The following SNTA1 variants were observed in gnomAD, a reference collection of about 807,000 sequenced individuals.
The protein encoded by SNTA1 is syntrophin alpha 1.
In SNTA1, 31 loss-of-function variants were observed where a neutral mutation model predicts 47.1. That is an observed-to-expected ratio of 0.66 (90% CI 0.49 to 0.89). SNTA1 has a LOEUF of 0.89. Among genes scored for constraint, SNTA1 ranks in the 40% least tolerant of loss-of-function variants. The pLI is 0.00. For missense variants in SNTA1, 575 were observed against 693.0 expected (o/e 0.83, Z 1.91); for synonymous variants, 300 against 313.6 (o/e 0.96, Z 0.46).
At chr20:33,418,515 G>T (rs972061942) in intron 2 of SNTA1, among the ~76,000 whole-genome samples, 1 of 152,056 alleles carries the variant, frequency 6.6e-6, no homozygotes, top group Non-Finnish European at 1.5e-5. Flanking sequence ...TTCCCAGGCT[G>T]GGCATGTTGG....
intron 3 of SNTA1, among the ~76,000 whole-genome samples, chr20:33,413,168 T>C (rs1989787554): frequency 6.6e-6 from 1 of 152,178 alleles, no homozygotes; most frequent in African/African-American, 2.4e-5. Context: ...ATAATTTTTG[T>C]ATTTTTAATA....
At chr20:33,416,972 G>T (rs1989893046) in intron 3 of SNTA1, among the ~76,000 whole-genome samples, 1 of 151,300 alleles carries the variant, frequency 6.6e-6, no homozygotes, top group Non-Finnish European at 1.5e-5. Flanking sequence ...AGTTAGCCAG[G>T]TGTGGTGGTG....
At chr20:33,433,594 C>G (rs1423123146) in intron 2 of SNTA1, among the ~76,000 whole-genome samples, 1 of 152,114 alleles carries the variant, frequency 6.6e-6, no homozygotes, top group African/African-American at 2.4e-5. Flanking sequence ...ATGACAGGCT[C>G]ACTGTTGTCA....
intron 2 of SNTA1, among the ~76,000 whole-genome samples, chr20:33,426,490 A>G (rs1345339924): frequency 1.3e-5 from 2 of 150,060 alleles, no homozygotes; most frequent in South Asian, 2.1e-4. Flanking sequence ...GGTTGGGCAC[A>G]GTGGCTCATG....
In SNTA1 at chr20:33,437,428, GAA is replaced by G. The variant is rs5841143; in HGVS notation, c.496+1411_496+1412del. 8.6e-3 allele frequency among the ~76,000 whole-genome samples: 1,042 copies of G among 121,068 alleles called. 11 individuals carry two copies. The highest frequency in any genetic ancestry group is 0.029 in the African/African-American group (965 of 32,784). 79.4% of individuals were successfully genotyped at this position (121,068 alleles called of 152,430 possible). ...GGGTGATAGAGCAAGACCCTGTCTC[GAA>G]AAAAAAAAAAAACAAGAAAAAAAAA... is the stretch of plus-strand genomic sequence containing the variant. On this transcript the variant is annotated intron_variant, in intron 2 of 7. Coordinates refer to ENST00000217381, the MANE Select transcript of SNTA1 (RefSeq NM_003098.3).
At chr20:33,410,882 A>G (rs533263368) in intron 5 of SNTA1, among the ~76,000 whole-genome samples, 34 of 152,302 alleles carry the variant, frequency 2.2e-4, no homozygotes, top group Admixed American at 1.8e-3. Flanking sequence ...ATGCCTGCCC[A>G]CAGTAGGTGC....
intron 2 of SNTA1, among the ~76,000 whole-genome samples, chr20:33,428,228 C>T (rs1420223550): frequency 6.6e-6 from 1 of 151,868 alleles, no homozygotes; most frequent in Non-Finnish European, 1.5e-5. Flanking sequence ...GGCAACATGG[C>T]GAAATCCCAT....
At chr20:33,424,515 T>C (rs1356559141) in intron 2 of SNTA1, among the ~76,000 whole-genome samples, 1 of 148,480 alleles carries the variant, frequency 6.7e-6, no homozygotes, top group Non-Finnish European at 1.5e-5. Context: ...CTTGAAAAAA[T>C]TAAAAAAAAA....
intron 3 of SNTA1, among the ~76,000 whole-genome samples, chr20:33,416,739 G>A (rs1023310901): frequency 2.6e-5 from 4 of 151,908 alleles, no homozygotes; most frequent in East Asian, 1.9e-4. Context: ...TCAGGAGTTC[G>A]TGACCAGCCT....
chr20:33,414,262 A>C (rs1450029951), intron 3 of SNTA1, among the ~76,000 whole-genome samples: 4 of 139,372 alleles, frequency 2.9e-5, no homozygotes, highest in African/African-American at 1.1e-4. Context: ...AAAAAAAAAA[A>C]AAAAAAAAAA....
intron 3 of SNTA1, among the ~76,000 whole-genome samples, chr20:33,414,471 G>A (rs1288037567): frequency 1.3e-5 from 2 of 151,674 alleles, no homozygotes; most frequent in Non-Finnish European, 1.5e-5. Flanking sequence ...GCGGGCACCT[G>A]TGGTCCCAGC....
rs112915605 is a variant in SNTA1 at position 33,410,322 on chromosome 20, G to A, written c.1050C>T (p.His350=). ...GCACTGAGCCCTTGGAGGGGCCTGAGTGCACCAGTCTGGGGGTTGGGGGCA... is the reference window on the plus strand; with the variant it reads ...GCACTGAGCCCTTGGAGGGGCCTGAATGCACCAGTCTGGGGGTTGGGGGCA... ...TAPLIATRLV[H]SGPSKGSVPY... Residue 350 remains histidine, a synonymous_variant, in exon 6 of 8, where the codon CAC becomes CAT. Transcript: ENST00000217381. 2.5e-6 allele frequency: 4 copies of A among 1,604,016 alleles called. No individual in the cohort carries two copies. The highest frequency in any genetic ancestry group is 1.3e-5 in the African/African-American group (1 of 74,806).
chr20:33,408,548 A>AGG lies in SNTA1; in HGVS notation c.1475_1476dup (p.Phe493ProfsTer21). On this transcript the variant is annotated frameshift_variant, in exon 8 of 8. Transcript: ENST00000217381. LOFTEE classifies it high-confidence loss of function. ...AGGCGGGTGACTTTGGCCGACAGGA[A>AGG]GGAGTGGATGATGAAGACTATGGTT... The AGG allele has an allele frequency of 6.2e-7, 1 of 1,614,166 alleles. No homozygotes were observed.
At chr20:33,408,934 A>G (rs1989668079) in intron 6 of SNTA1, 46 bp from the exon 7 acceptor site, 1 of 1,552,836 alleles carries the variant, frequency 6.4e-7, no homozygotes, top group African/African-American at 1.4e-5. Flanking sequence ...CACCTCAGAG[A>G]CTACACCCCA....
intron 2 of SNTA1, among the ~76,000 whole-genome samples, chr20:33,438,193 G>A (rs1285375075): frequency 6.6e-6 from 1 of 152,144 alleles, no homozygotes; most frequent in Non-Finnish European, 1.5e-5. Flanking sequence ...CCAGCTACTT[G>A]GGAGGCTGAG....
chr20:33,430,464 C>T (rs1439522460), intron 2 of SNTA1, among the ~76,000 whole-genome samples: 1 of 150,530 alleles, frequency 6.6e-6, no homozygotes, highest in South Asian at 2.1e-4. Flanking sequence ...TTAGTAGAGA[C>T]GGGGTTTCAC....
In SNTA1 at chr20:33,436,700, C is replaced by T. The variant is rs533052599; in HGVS notation, c.496+2141G>A. ...AAAATTGGCTAGGTGTGGTGGCTCA[C>T]GCCTGTAATCCCAGCACTTTGGGAG... On this transcript the variant is annotated intron_variant, in intron 2 of 7. Transcript: ENST00000217381. Among the ~76,000 whole-genome samples, 8 of 152,038 alleles carry T rather than the reference C, an allele frequency of 5.3e-5. No homozygotes were observed. The South Asian group carries it at 1.7e-3, about 32-fold the overall frequency.
At position 33,438,956 on chromosome 20, in the gene SNTA1, C is replaced by T; in HGVS notation, c.381G>A (p.Glu127=). The T allele has an allele frequency of 1.2e-6, 2 of 1,614,162 alleles. No homozygotes were observed. The highest frequency in any genetic ancestry group is 1.7e-6 in the Non-Finnish European group (2 of 1,179,996). ...GGATGGCATCCCCCACAAAAAGGGC[C>T]TCTGTCTGGTCAGCTGCCAATCCCT... ...IFKGLAADQT[E]ALFVGDAILS... The change falls in exon 2 of 8, where the codon GAG becomes GAA. Residue 127 remains glutamate (E), a synonymous_variant. Transcript: ENST00000217381.
chr20:33,430,287 C>CTTTTTT (rs951409757), intron 2 of SNTA1, among the ~76,000 whole-genome samples: 12 of 131,524 alleles, frequency 9.1e-5, no homozygotes, highest in East Asian at 2.2e-4. Flanking sequence ...TTACTTTTTT[C>CTTTTTT]TTTTTTTTTT....
Sources: gnomAD v4.1 joint callset for allele counts (sites outside exome capture counted in the v4.1 genomes callset) on GRCh38, gnomAD v4.1.1 for gene constraint, MANE v1.5 for transcripts, NCBI Gene and HGNC (gene_info 2026-07-23, HGNC 2026-07-21) for gene names.